Variants in XKR4 observed in about 807,000 individuals in gnomAD.
XKR4 encodes XK-related protein 4.
XKR4 carries 12 observed loss-of-function variants against 53.9 expected under a neutral mutation model. That is an observed-to-expected ratio of 0.22 (90% CI 0.14 to 0.36). XKR4 has a LOEUF of 0.36. XKR4 is among the 10% of genes least tolerant of loss of function. XKR4 has a pLI of 1.00. For missense variants in XKR4, 799 were observed against 859.5 expected (o/e 0.93, Z 0.88); for synonymous variants, 354 against 362.4 (o/e 0.98, Z 0.26).
chr8:55,366,752 T>G (rs11996825), intron 2 of XKR4, among the ~76,000 whole-genome samples: 6,608 of 152,248 alleles, frequency 0.043, 435 homozygotes, highest in African/African-American at 0.15. Context: ...GTCCTTCTCT[T>G]CTACCCTGGA....
chr8:55,113,168 G>C (rs1468143022), intron 1 of XKR4, among the ~76,000 whole-genome samples: 1 of 152,114 alleles, frequency 6.6e-6, no homozygotes, highest in Non-Finnish European at 1.5e-5. Flanking sequence ...TTTGAAATAA[G>C]GTTGGGATCA....
chr8:55,135,624 A>G (rs1483674743), intron 1 of XKR4: 3 of 456,166 alleles, frequency 6.6e-6, no homozygotes, highest in Non-Finnish European at 1.3e-5. Flanking sequence ...GGAAAAGCCA[A>G]GGACAGATGG....
chr8:55,481,590 C>T (rs1400727654), intron 2 of XKR4, among the ~76,000 whole-genome samples: 4 of 151,948 alleles, frequency 2.6e-5, no homozygotes, highest in African/African-American at 7.3e-5. Flanking sequence ...AAAGAAACTA[C>T]CATCAGAGTG....
At chr8:55,288,946 G>A (rs139578213) in intron 1 of XKR4, among the ~76,000 whole-genome samples, 9 of 152,068 alleles carry the variant, frequency 5.9e-5, no homozygotes, top group Middle Eastern at 3.4e-3. Context: ...TTTTTTCATT[G>A]AGCATGGTTA....
chr8:55,106,594 C>T (rs935638027), intron 1 of XKR4, among the ~76,000 whole-genome samples: 6 of 152,100 alleles, frequency 3.9e-5, no homozygotes, highest in Non-Finnish European at 8.8e-5. Flanking sequence ...CCTAAGAGAA[C>T]AGTTTTTAGT....
chr8:55,117,702 A>T (rs942504710), intron 1 of XKR4, among the ~76,000 whole-genome samples: 3 of 152,172 alleles, frequency 2.0e-5, no homozygotes, highest in Non-Finnish European at 2.9e-5. Context: ...GCTCACTTTC[A>T]TGACTTTTGT....
rs978009724 is a variant in XKR4 at position 55,527,982 on chromosome 8, A to G, written c.*3755A>G. On this transcript the variant is annotated 3_prime_UTR_variant, in exon 3 of 3. Coordinates refer to ENST00000327381, the MANE Select transcript of XKR4 (RefSeq NM_052898.2). ...TGTGTACATACATATATGTATATAT[A>G]CGTACCTATATATGTATGTACACAC... 1 of 152,112 alleles carries G rather than the reference A, an allele frequency of 6.6e-6. No homozygotes were observed. Among genetic ancestry groups the G allele is most frequent in the African/African-American group, 2.4e-5 (1 of 41,370 alleles). The allele number at this position is 152,112 out of a possible 1,614,324, so 9.4% of individuals were successfully genotyped here. A position where few individuals can be genotyped will look rare whatever the true frequency, so the allele number is the denominator to read the frequency against.
At position 55,529,052 on chromosome 8, in the gene XKR4, C is replaced by T. The variant is rs1319496831; in HGVS notation, c.*4825C>T. The T allele has an allele frequency of 6.7e-6, 1 of 149,754 alleles. No individual in the cohort carries two copies. Among genetic ancestry groups the T allele is most frequent in the East Asian group, 1.9e-4 (1 of 5,130 alleles). 9.3% of individuals were successfully genotyped at this position (149,754 alleles called of 1,614,324 possible). Reference sequence around the variant, plus strand: ...TCCTAAAAATGGGCATGTGGCAAGACTCTCAATCTACAGCCTCGACAGTAT... The same window carrying T: ...TCCTAAAAATGGGCATGTGGCAAGATTCTCAATCTACAGCCTCGACAGTAT... On this transcript the variant is annotated 3_prime_UTR_variant, in exon 3 of 3. Coordinates refer to ENST00000327381, the MANE Select transcript of XKR4 (RefSeq NM_052898.2).
chr8:55,425,409 G>A (rs2929058), intron 2 of XKR4, among the ~76,000 whole-genome samples: 46,125 of 148,034 alleles, frequency 0.31, 8,279 homozygotes, highest in East Asian at 0.43. Flanking sequence ...ACGCACTCTC[G>A]TCTAGCCTCT....
At chr8:55,413,076 C>A in intron 2 of XKR4, among the ~76,000 whole-genome samples, 1 of 152,210 alleles carries the variant, frequency 6.6e-6, no homozygotes, top group East Asian at 1.9e-4. Flanking sequence ...TTATTGACAT[C>A]CTTCTTGTGT....
At chr8:55,186,090 C>G (rs1817373083) in intron 1 of XKR4, among the ~76,000 whole-genome samples, 1 of 152,138 alleles carries the variant, frequency 6.6e-6, no homozygotes, top group African/African-American at 2.4e-5. Context: ...TACAGGCAAG[C>G]TGCAAACACA....
chr8:55,397,623 C>G (rs78972551), intron 2 of XKR4, among the ~76,000 whole-genome samples: 6,566 of 151,816 alleles, frequency 0.043, 206 homozygotes, highest in East Asian at 0.098. Context: ...TGCCACTGCA[C>G]CCCACCACAC....
At chr8:55,141,645 T>TTCTCTCTCTCTC (rs138063196) in intron 1 of XKR4, among the ~76,000 whole-genome samples, 1,954 of 111,888 alleles carry the variant, frequency 0.017, 48 homozygotes, top group African/African-American at 0.036. Flanking sequence ...GTGCTTCTGC[T>TTCTCTCTCTCTC]TCTCTCTCTC....
intron 1 of XKR4, among the ~76,000 whole-genome samples, chr8:55,115,480 G>A (rs1816293284): frequency 6.6e-6 from 1 of 151,958 alleles, no homozygotes; most frequent in South Asian, 2.1e-4. Context: ...AAAGATTGAA[G>A]TCTTTATTGA....
At position 55,243,589 on chromosome 8, in the gene XKR4, A is replaced by C. The variant is rs74884300; in HGVS notation, c.807-114089A>C. ...CAATTCATTTCGGTAAATACCAAGG[A>C]ACTCAATTGCTGGGCCGTTGGTGAG... On this transcript the variant is annotated intron_variant, in intron 1 of 2. Transcript: ENST00000327381. Among the ~76,000 whole-genome samples the C allele has an allele frequency of 9.3e-3, 1,424 of 152,352 alleles. 23 individuals carry two copies. The highest frequency in any genetic ancestry group is 0.032 in the African/African-American group (1,335 of 41,582).
In XKR4 at chr8:55,533,619, T is replaced by C. The variant is rs1806986744; in HGVS notation, c.*9392T>C. The C allele has an allele frequency of 1.3e-5, 2 of 152,216 alleles. No homozygotes were observed. The highest frequency in any genetic ancestry group is 2.1e-4 in the South Asian group (1 of 4,826). 9.4% of individuals were successfully genotyped at this position (152,216 alleles called of 1,614,324 possible). A position where few individuals can be genotyped will look rare whatever the true frequency, so the allele number is the denominator to read the frequency against. On this transcript the variant is annotated 3_prime_UTR_variant, in exon 3 of 3. Transcript: ENST00000327381. ...TCACCACTGTCACAAAGCTGCCTATTGCTGATGCTATCGATTCCCTTCTTT... is the reference window on the plus strand; with the variant it reads ...TCACCACTGTCACAAAGCTGCCTATCGCTGATGCTATCGATTCCCTTCTTT...
chr8:55,156,806 C>A (rs1193189711), intron 1 of XKR4, among the ~76,000 whole-genome samples: 2 of 152,194 alleles, frequency 1.3e-5, no homozygotes, highest in African/African-American at 4.8e-5. Context: ...CTGTGACATG[C>A]CCCCTGGGCC....
chr8:55,146,295 G>A (rs1816772714), intron 1 of XKR4, among the ~76,000 whole-genome samples: 1 of 152,216 alleles, frequency 6.6e-6, no homozygotes, highest in African/African-American at 2.4e-5. Context: ...GGGAAGGACT[G>A]TTCAGAGTTG....
At chr8:55,514,540 G>A (rs1806684199) in intron 2 of XKR4, among the ~76,000 whole-genome samples, 1 of 152,110 alleles carries the variant, frequency 6.6e-6, no homozygotes, top group Non-Finnish European at 1.5e-5. Context: ...ATCATTAAAT[G>A]CAGATTAACC....
Sources: gnomAD v4.1 joint callset for allele counts (sites outside exome capture counted in the v4.1 genomes callset) on GRCh38, gnomAD v4.1.1 for gene constraint, MANE v1.5 for transcripts, NCBI Gene and HGNC (gene_info 2026-07-23, HGNC 2026-07-21) for gene names.